Variants in ST6GALNAC3 observed in about 807,000 individuals in gnomAD.
ST6GALNAC3 encodes ST6 N-acetylgalactosaminide alpha-2,6-sialyltransferase 3, also known as alpha-N-acetylgalactosaminide alpha-2,6-sialyltransferase 3.
In ST6GALNAC3, 25 loss-of-function variants were observed where a neutral mutation model predicts 32.7. The observed-to-expected ratio is 0.76, with a 90% CI of 0.56 to 1.07. The LOEUF (loss-of-function observed/expected upper bound fraction) is 1.07. ST6GALNAC3 is among the 50% of genes least tolerant of loss of function. The probability of loss-of-function intolerance (pLI) is 0.00; values close to 1 mark genes in which losing one functional copy is unlikely to be tolerated. For missense variants in ST6GALNAC3, 355 were observed against 382.4 expected (o/e 0.93, Z 0.60); for synonymous variants, 129 against 133.1 (o/e 0.97, Z 0.21).
At chr1:76,407,725 G>A (rs1302712540) in intron 2 of ST6GALNAC3, among the ~76,000 whole-genome samples, 1 of 151,716 alleles carries the variant, frequency 6.6e-6, no homozygotes. Flanking sequence ...ACTATAAAGG[G>A]AGAATTCAAA....
At chr1:76,263,443 C>A (rs1052475116) in intron 1 of ST6GALNAC3, among the ~76,000 whole-genome samples, 2 of 152,160 alleles carry the variant, frequency 1.3e-5, no homozygotes, top group African/African-American at 2.4e-5. Flanking sequence ...CTTTCTGAGC[C>A]CTTTTTGTCA....
intron 2 of ST6GALNAC3, among the ~76,000 whole-genome samples, chr1:76,385,346 T>A (rs1652016877): frequency 6.6e-6 from 1 of 152,156 alleles, no homozygotes; most frequent in Non-Finnish European, 1.5e-5. Flanking sequence ...TTATAGTAAT[T>A]GTCTCAAATC....
intron 3 of ST6GALNAC3, among the ~76,000 whole-genome samples, chr1:76,424,744 TA>T (rs1475335735): frequency 6.6e-6 from 1 of 152,006 alleles, no homozygotes; most frequent in Non-Finnish European, 1.5e-5. Flanking sequence ...TTTTGATTCT[TA>T]ATATTGGCTT....
intron 1 of ST6GALNAC3, among the ~76,000 whole-genome samples, chr1:76,272,821 A>G (rs2100760506): frequency 6.6e-6 from 1 of 152,254 alleles, no homozygotes; most frequent in Non-Finnish European, 1.5e-5. Context: ...CCTCCTCCCT[A>G]GTTTGGTTGA....
intron 1 of ST6GALNAC3, among the ~76,000 whole-genome samples, chr1:76,170,421 C>G (rs1652412587): frequency 6.6e-6 from 1 of 152,150 alleles, no homozygotes; most frequent in African/African-American, 2.4e-5. Flanking sequence ...CTCTGTGCCC[C>G]ATAAGCAGGA....
At chr1:76,170,724 G>A (rs943906317) in intron 1 of ST6GALNAC3, among the ~76,000 whole-genome samples, 1 of 152,152 alleles carries the variant, frequency 6.6e-6, no homozygotes, top group Admixed American at 6.5e-5. Context: ...GTATTGGGGG[G>A]TGGTGTCTGG....
intron 3 of ST6GALNAC3, among the ~76,000 whole-genome samples, chr1:76,559,768 A>G (rs867943360): frequency 2.2e-4 from 34 of 152,304 alleles, no homozygotes; most frequent in Middle Eastern, 6.8e-3. Context: ...CTGAAGAGGC[A>G]GGAAAAACAG....
intron 3 of ST6GALNAC3, among the ~76,000 whole-genome samples, chr1:76,529,046 T>C (rs1042331765): frequency 2.0e-5 from 3 of 151,992 alleles, no homozygotes; most frequent in African/African-American, 4.8e-5. Flanking sequence ...TCCCAAGTGA[T>C]CTGTGTGCAG....
chr1:76,213,414 T>C (rs1655277897), intron 1 of ST6GALNAC3, among the ~76,000 whole-genome samples: 1 of 152,214 alleles, frequency 6.6e-6, no homozygotes, highest in South Asian at 2.1e-4. Flanking sequence ...AAACCTTTAT[T>C]GTTTTAAGTC....
chr1:76,417,216 T>C (rs929603312), intron 3 of ST6GALNAC3, among the ~76,000 whole-genome samples: 4 of 151,326 alleles, frequency 2.6e-5, no homozygotes, highest in Admixed American at 6.6e-5. Flanking sequence ...GTTTTTTTTT[T>C]CTTTCTTTCT....
At chr1:76,622,776 TAGC>T (rs1443335995) in intron 3 of ST6GALNAC3, among the ~76,000 whole-genome samples, 1 of 152,008 alleles carries the variant, frequency 6.6e-6, no homozygotes, top group Non-Finnish European at 1.5e-5. Flanking sequence ...ATTCAATAAT[TAGC>T]AGAGCATCCT....
At chr1:76,302,168 T>TC (rs1427571235) in intron 1 of ST6GALNAC3, among the ~76,000 whole-genome samples, 3 of 152,100 alleles carry the variant, frequency 2.0e-5, no homozygotes, top group Non-Finnish European at 4.4e-5. Flanking sequence ...ACTCAGTACT[T>TC]CCTTGCAGTC....
chr1:76,138,895 T>TA (rs1358184119), intron 1 of ST6GALNAC3, among the ~76,000 whole-genome samples: 6 of 152,016 alleles, frequency 3.9e-5, no homozygotes, highest in African/African-American at 9.7e-5. Flanking sequence ...AGGAGGAGTT[T>TA]AAAAAAATCT....
chr1:76,174,956 C>T (rs1460232298), intron 1 of ST6GALNAC3, among the ~76,000 whole-genome samples: 1 of 152,210 alleles, frequency 6.6e-6, no homozygotes, highest in African/African-American at 2.4e-5. Context: ...GCATGACCAA[C>T]TGCACTCAGC....
intron 2 of ST6GALNAC3, among the ~76,000 whole-genome samples, chr1:76,335,335 T>A (rs957535021): frequency 5.3e-5 from 8 of 152,166 alleles, no homozygotes; most frequent in Non-Finnish European, 7.3e-5. Flanking sequence ...ACCCATTTAT[T>A]CCAGCTCAGC....
At position 76,577,338 on chromosome 1, in the gene ST6GALNAC3, G is replaced by A. The variant is rs1646827536; in HGVS notation, c.624-50114G>A. On this transcript the variant is annotated intron_variant, in intron 3 of 4. Coordinates refer to ENST00000328299, the MANE Select transcript of ST6GALNAC3 (RefSeq NM_152996.4). ...CCTTGCCACTGCCTCTTTCTGCTTG[G>A]AAGGTAACCTTTACCAAGAGCTATA... 5.1e-6 allele frequency: 5 copies of A among 987,056 alleles called. No homozygotes were observed. In the South Asian group the frequency reaches 1.9e-4, roughly 37 times the overall value. 61.1% of individuals were successfully genotyped at this position (987,056 alleles called of 1,614,324 possible).
chr1:76,477,909 G>T (rs1296061478), intron 3 of ST6GALNAC3, among the ~76,000 whole-genome samples: 3 of 152,114 alleles, frequency 2.0e-5, no homozygotes, highest in African/African-American at 7.2e-5. Flanking sequence ...TCTTTCATGG[G>T]CTCTGTTCTC....
intron 1 of ST6GALNAC3, among the ~76,000 whole-genome samples, chr1:76,269,034 T>C (rs1056475680): frequency 1.4e-4 from 22 of 152,208 alleles, no homozygotes; most frequent in African/African-American, 4.1e-4. Context: ...CAAAACTGTA[T>C]TTCCCTAGAG....
intron 3 of ST6GALNAC3, among the ~76,000 whole-genome samples, chr1:76,418,086 G>A (rs1043796587): frequency 2.6e-5 from 4 of 152,218 alleles, no homozygotes; most frequent in African/African-American, 9.6e-5. Context: ...AAAGAAATCA[G>A]CGATGTGTCA....
Sources: gnomAD v4.1 joint callset for allele counts (sites outside exome capture counted in the v4.1 genomes callset) on GRCh38, gnomAD v4.1.1 for gene constraint, MANE v1.5 for transcripts, NCBI Gene and HGNC (gene_info 2026-07-23, HGNC 2026-07-21) for gene names.